Variants in KCNJ15 observed in about 807,000 individuals in gnomAD.
KCNJ15 encodes potassium inwardly rectifying channel subfamily J member 15.
Under a neutral mutation model 23.0 loss-of-function variants are expected in KCNJ15, and 14 were observed. That is an observed-to-expected ratio of 0.61 (90% confidence interval 0.40 to 0.95). The LOEUF (loss-of-function observed/expected upper bound fraction) is 0.95, where lower values mean the gene tolerates loss of function less well. Among genes scored for constraint, KCNJ15 ranks in the 40% least tolerant of loss-of-function variants. The pLI is 0.00. For missense variants in KCNJ15, 388 were observed against 461.8 expected, an observed-to-expected ratio of 0.84 and a Z score of 1.46; for synonymous variants, 185 against 183.2, an observed-to-expected ratio of 1.01 and a Z score of -0.08.
rs559453502 is a variant in KCNJ15 at position 38,247,073 on chromosome 21, G to C, written c.-398-9973G>C. Among the ~76,000 whole-genome samples, 5 of 119,640 alleles carry C rather than the reference G, an allele frequency of 4.2e-5. No homozygotes were observed. In the East Asian group the frequency reaches 9.0e-4, roughly 22 times the overall value. The allele number at this position is 119,640 out of a possible 152,430, so 78.5% of individuals were successfully genotyped here. Reference sequence around the variant, plus strand: ...GGATGGGTGAATGGATGGATGGATGGATGGATGGATGGATGGATGGATGGA... The same window carrying C: ...GGATGGGTGAATGGATGGATGGATGCATGGATGGATGGATGGATGGATGGA... On this transcript the variant is annotated intron_variant, in intron 1 of 4. Transcript: ENST00000547341.
chr21:38,304,251 T>TC lies in KCNJ15; in HGVS notation c.*3868dup, dbSNP rs1462385527. ...ATCTCCTAATGCTATCCCTCCCCCC[T>TC]CCCCCCACCCCACAACAGTCCCCGG... On this transcript the variant is annotated 3_prime_UTR_variant, in exon 3 of 3. Coordinates refer to ENST00000398938, the MANE Select transcript of KCNJ15 (RefSeq NM_170736.3). The TC allele has an allele frequency of 1.4e-4, 7 of 49,094 alleles. No individual in the cohort carries two copies. In the South Asian group the frequency reaches 4.5e-3, roughly 32 times the overall value. The allele number at this position is 49,094 out of a possible 1,614,324, so 3.0% of individuals were successfully genotyped here.
rs191499561 is a variant in KCNJ15 at position 38,269,296 on chromosome 21, G to A, written c.-117+12111G>A. Among the ~76,000 whole-genome samples the A allele has an allele frequency of 8.3e-4, 126 of 152,138 alleles. 2 individuals carry two copies. Among genetic ancestry groups the A allele is most frequent in the African/African-American group, 2.8e-3 (115 of 41,512 alleles). On this transcript the variant is annotated intron_variant, in intron 1 of 2. Transcript: ENST00000398938. ...TGAATTCCAGAGCCAGAGTCTGTCC[G>A]TTAAAAACTTTCAAGCTTTTTTTTT...
At chr21:38,254,103 T>C (rs1980025582), upstream of KCNJ15, among the ~76,000 whole-genome samples, 1 of 152,242 alleles carries the variant, frequency 6.6e-6, no homozygotes, top group Non-Finnish European at 1.5e-5. Context: ...GCAGAAAATA[T>C]TATTTTGTCA....
chr21:38,263,233 G>A lies in KCNJ15; in HGVS notation c.-117+6048G>A, dbSNP rs561961855. ...AGGAACTGGGGGAGAACTCTCAGAGGCTGACCCTATACTTCCTGTCTCTGG... is the reference window on the plus strand; with the variant it reads ...AGGAACTGGGGGAGAACTCTCAGAGACTGACCCTATACTTCCTGTCTCTGG... On this transcript the variant is annotated intron_variant, in intron 1 of 2. Transcript: ENST00000398938. 4.6e-5 allele frequency among the ~76,000 whole-genome samples: 7 copies of A among 152,224 alleles called. No homozygotes were observed. In the South Asian group the frequency reaches 1.2e-3, roughly 27 times the overall value.
chr21:38,247,169 T>G (rs1416489921), intron 1 of KCNJ15, among the ~76,000 whole-genome samples: 17 of 113,198 alleles, frequency 1.5e-4, no homozygotes, highest in East Asian at 5.1e-4. Context: ...TGTATAGGTA[T>G]ATGGATGGAT....
At chr21:38,240,986 A>G (rs1978957078) in intron 1 of KCNJ15, among the ~76,000 whole-genome samples, 1 of 152,240 alleles carries the variant, frequency 6.6e-6, no homozygotes, top group Admixed American at 6.5e-5. Flanking sequence ...AAACACACCC[A>G]AATCTGGTTA....
intron 1 of KCNJ15, among the ~76,000 whole-genome samples, chr21:38,295,659 T>C (rs1465167469): frequency 1.3e-5 from 2 of 152,306 alleles, no homozygotes; most frequent in East Asian, 3.9e-4. Flanking sequence ...CTTACCATGT[T>C]AGAAGTTAAG....
intron 1 of KCNJ15, among the ~76,000 whole-genome samples, chr21:38,235,334 A>G (rs1978529709): frequency 6.6e-6 from 1 of 152,118 alleles, no homozygotes. Flanking sequence ...TTGGTGGATC[A>G]AATGAGGTCA....
chr21:38,263,101 C>A (rs1289794355), intron 1 of KCNJ15, among the ~76,000 whole-genome samples: 1 of 152,128 alleles, frequency 6.6e-6, no homozygotes, highest in African/African-American at 2.4e-5. Flanking sequence ...GGTTCCTAGG[C>A]CCTAGGGACA....
chr21:38,286,455 C>T (rs1293125150), intron 1 of KCNJ15, among the ~76,000 whole-genome samples: 1 of 152,172 alleles, frequency 6.6e-6, no homozygotes, highest in Non-Finnish European at 1.5e-5. Flanking sequence ...TCTTACTGTT[C>T]CAATCACGTG....
At position 38,300,323 on chromosome 21, in the gene KCNJ15, G is replaced by A; in HGVS notation, c.1062G>A (p.Lys354=). Residue 354 remains lysine, a synonymous_variant, in exon 3 of 3, where the codon AAG becomes AAA. Coordinates refer to ENST00000398938, the MANE Select transcript of KCNJ15 (RefSeq NM_170736.3). ...CTGAGAAACAGCAACTCGAGGAGAA[G>A]TACAGGCAGGAGGATCAGAGGGAAA... ...ADSEKQQLEE[K]YRQEDQRERE... is the part of the protein sequence containing the mutation. The A allele has an allele frequency of 1.2e-6, 2 of 1,614,132 alleles. No individual in the cohort carries two copies. The highest frequency in any genetic ancestry group is 1.7e-6 in the Non-Finnish European group (2 of 1,179,970).
intron 1 of KCNJ15, among the ~76,000 whole-genome samples, chr21:38,247,703 A>G (rs1347391604): frequency 6.6e-6 from 1 of 152,244 alleles, no homozygotes; most frequent in African/African-American, 2.4e-5. Flanking sequence ...TCATGGCCAC[A>G]TGTAAGGTTA....
chr21:38,277,188 G>A (rs1982807503), intron 1 of KCNJ15, among the ~76,000 whole-genome samples: 1 of 152,076 alleles, frequency 6.6e-6, no homozygotes, highest in Non-Finnish European at 1.5e-5. Context: ...TTTGATTTTT[G>A]TAAACATATC....
rs190310108 is a variant in KCNJ15 at position 38,306,918 on chromosome 21, C to T, written c.*6529C>T. The stretch of plus-strand genomic sequence containing the variant: ...TAGATTTTATATGCAAACAATCCCA[C>T]TGCTTGTAACTCCTGGCAGTGTGTA... On this transcript the variant is annotated 3_prime_UTR_variant, in exon 3 of 3. Coordinates refer to ENST00000398938, the MANE Select transcript of KCNJ15 (RefSeq NM_170736.3). 3 of 152,344 alleles carry T rather than the reference C, an allele frequency of 2.0e-5. No individual in the cohort carries two copies. Among genetic ancestry groups the T allele is most frequent in the Admixed American group, 2.0e-4 (3 of 15,304 alleles). 9.4% of individuals were successfully genotyped at this position (152,344 alleles called of 1,614,324 possible).
At chr21:38,242,807 T>TA (rs1459477222) in intron 1 of KCNJ15, among the ~76,000 whole-genome samples, 1 of 152,196 alleles carries the variant, frequency 6.6e-6, no homozygotes, top group African/African-American at 2.4e-5. Context: ...AAACTATTTG[T>TA]ATGCTCACTT....
intron 1 of KCNJ15, among the ~76,000 whole-genome samples, chr21:38,240,196 T>G (rs1257667508): frequency 6.6e-6 from 1 of 152,148 alleles, no homozygotes; most frequent in Non-Finnish European, 1.5e-5. Flanking sequence ...AAATATAGAC[T>G]CCCATCGTAG....
At chr21:38,284,339 T>C (rs1430215291) in intron 1 of KCNJ15, among the ~76,000 whole-genome samples, 1 of 152,144 alleles carries the variant, frequency 6.6e-6, no homozygotes, top group Non-Finnish European at 1.5e-5. Context: ...ACACACCTCA[T>C]TTCCATGCCA....
At chr21:38,259,246 G>T (rs966901454) in intron 1 of KCNJ15, among the ~76,000 whole-genome samples, 3 of 152,152 alleles carry the variant, frequency 2.0e-5, no homozygotes, top group Non-Finnish European at 4.4e-5. Flanking sequence ...CTTTGCCTCA[G>T]AGTCCAGGAT....
chr21:38,238,759 AG>A (rs1400097362), intron 1 of KCNJ15: 1 of 362,194 alleles, frequency 2.8e-6, no homozygotes, highest in Non-Finnish European at 5.3e-6. Flanking sequence ...AAAAGAGGGG[AG>A]AAGAGTCAGA....
Sources: allele counts gnomAD v4.1 joint callset (sites outside exome capture counted in the v4.1 genomes callset), GRCh38; gene constraint gnomAD v4.1.1; transcripts MANE v1.5; gene names NCBI Gene and HGNC (gene_info 2026-07-23, HGNC 2026-07-21).